Variants in SLCO6A1 observed in about 807,000 individuals in gnomAD.
SLCO6A1 encodes solute carrier organic anion transporter family member 6A1.
SLCO6A1 carries 65 observed loss-of-function variants against 72.7 expected under a neutral mutation model. The observed-to-expected ratio is 0.89, with a 90% CI of 0.73 to 1.10. SLCO6A1 has a LOEUF of 1.10. Ranked by LOEUF, SLCO6A1 falls within the 50% of genes least tolerant of loss-of-function variation. The pLI, the probability that SLCO6A1 is intolerant of heterozygous loss-of-function variation, is 0.00. For synonymous variants in SLCO6A1, 314 were observed against 298.2 expected, an observed-to-expected ratio of 1.05 and a Z score of -0.55; for missense variants, 874 against 872.6, an observed-to-expected ratio of 1.00 and a Z score of -0.02.
intron 7 of SLCO6A1, among the ~76,000 whole-genome samples, chr5:102,421,216 T>C (rs1027878499): frequency 6.6e-6 from 1 of 151,756 alleles, no homozygotes; most frequent in African/African-American, 2.4e-5. Context: ...ATGAGCTAGC[T>C]GCAGGAGTTT....
intron 9 of SLCO6A1, among the ~76,000 whole-genome samples, chr5:102,401,860 C>T (rs1747415536): frequency 6.6e-6 from 1 of 151,978 alleles, no homozygotes. Context: ...AGCTTTCATC[C>T]TATATTGAGG....
In SLCO6A1 at chr5:102,399,736, A is replaced by G; in HGVS notation, c.1633T>C (p.Tyr545His). 4 of 1,570,896 alleles carry G rather than the reference A, an allele frequency of 2.5e-6. No individual in the cohort carries two copies. Among genetic ancestry groups the G allele is most frequent in the Non-Finnish European group, 3.5e-6 (4 of 1,154,372 alleles). ...SKAQNQKKMYYNCSCIKEGLI... is the reference protein window; with the variant it reads ...SKAQNQKKMYHNCSCIKEGLI... ...CCTTCTTTAATGCAAGAACAATTGT[A>G]GTACATCTGTGAGTATTGAAGACAG... Residue 545 changes from tyrosine to histidine, a missense_variant, in exon 10 of 14, where the codon TAC becomes CAC. Transcript: ENST00000506729.
intron 4 of SLCO6A1, among the ~76,000 whole-genome samples, chr5:102,467,206 C>T (rs967956719): frequency 6.6e-6 from 1 of 151,738 alleles, no homozygotes; most frequent in South Asian, 2.1e-4. Context: ...GTGATTTTTA[C>T]ATATGATGTA....
intron 12 of SLCO6A1, among the ~76,000 whole-genome samples, chr5:102,377,618 A>T (rs1745871512): frequency 6.6e-6 from 1 of 151,852 alleles, no homozygotes; most frequent in African/African-American, 2.4e-5. Flanking sequence ...TTTTTAATAA[A>T]AAGAGTATTG....
At chr5:102,421,176 C>G (rs1748577661) in intron 7 of SLCO6A1, among the ~76,000 whole-genome samples, 1 of 152,066 alleles carries the variant, frequency 6.6e-6, no homozygotes, top group African/African-American at 2.4e-5. Context: ...GGGTTTCAAG[C>G]ACAAAACTGG....
At chr5:102,429,110 A>T (rs4703228) in intron 7 of SLCO6A1, among the ~76,000 whole-genome samples, 99,463 of 152,026 alleles carry the variant, frequency 0.65, 32,793 homozygotes, top group African/African-American at 0.69. Context: ...TGTCTGTTTA[A>T]GTCCTATGCC....
chr5:102,379,789 A>AG (rs1258963681), intron 12 of SLCO6A1, among the ~76,000 whole-genome samples: 1 of 150,376 alleles, frequency 6.6e-6, no homozygotes, highest in Non-Finnish European at 1.5e-5. Flanking sequence ...AAAAAAAAAA[A>AG]ATTTCTCTTG....
At chr5:102,423,013 T>A (rs188616479) in intron 7 of SLCO6A1, among the ~76,000 whole-genome samples, 235 of 152,246 alleles carry the variant, frequency 1.5e-3, no homozygotes, top group African/African-American at 5.6e-3. Flanking sequence ...GAATTTCATA[T>A]CCAACCAAAC....
intron 10 of SLCO6A1, among the ~76,000 whole-genome samples, chr5:102,392,555 C>T (rs1746824529): frequency 6.6e-6 from 1 of 152,110 alleles, no homozygotes; most frequent in South Asian, 2.1e-4. Flanking sequence ...GATTGCCACC[C>T]TCTTTCTAAC....
chr5:102,372,847 T>C (rs1469202047), intron 13 of SLCO6A1, among the ~76,000 whole-genome samples: 1 of 151,872 alleles, frequency 6.6e-6, no homozygotes, highest in South Asian at 2.1e-4. Context: ...CATAGATAAA[T>C]AAAATGTTAA....
chr5:102,462,784 G>T (rs985236035), intron 4 of SLCO6A1, among the ~76,000 whole-genome samples: 1 of 152,060 alleles, frequency 6.6e-6, no homozygotes, highest in African/African-American at 2.4e-5. Flanking sequence ...ACTCAAGATG[G>T]ATCAAAGACT....
chr5:102,452,240 GT>G (rs748710205), intron 6 of SLCO6A1, among the ~76,000 whole-genome samples: 9 of 152,144 alleles, frequency 5.9e-5, no homozygotes, highest in Admixed American at 2.6e-4. Flanking sequence ...TGAGCTCTCT[GT>G]TCCACACATT....
chr5:102,459,563 AT>A lies in SLCO6A1; in HGVS notation c.1021+92del, dbSNP rs539344533. The A allele has an allele frequency of 3.5e-4, 472 of 1,338,540 alleles. 4 individuals carry two copies. The African/African-American group carries it at 6.5e-3, about 19-fold the overall frequency. 82.9% of individuals were successfully genotyped at this position (1,338,540 alleles called of 1,614,324 possible). On this transcript the variant is annotated intron_variant, in intron 5 of 13. Transcript: ENST00000506729. ...CTACAGCGAGAGGCATACTCATTTT[AT>A]TAAAAATGTAATACAGTCATTCTAT... is the stretch of plus-strand genomic sequence containing the variant.
chr5:102,483,128 C>T (rs563396635), intron 1 of SLCO6A1, among the ~76,000 whole-genome samples: 1 of 151,890 alleles, frequency 6.6e-6, no homozygotes, highest in Non-Finnish European at 1.5e-5. Flanking sequence ...ATATTCGTAT[C>T]TATCTATCTA....
intron 5 of SLCO6A1, 53 bp from the exon 6 acceptor site, chr5:102,458,544 A>T: frequency 7.6e-7 from 1 of 1,311,116 alleles, no homozygotes; most frequent in Non-Finnish European, 1.1e-6. Flanking sequence ...ACTAAAACCC[A>T]TACATAAAAC....
intron 10 of SLCO6A1, among the ~76,000 whole-genome samples, chr5:102,397,763 C>G (rs962674162): frequency 6.6e-6 from 1 of 152,258 alleles, no homozygotes; most frequent in East Asian, 1.9e-4. Context: ...TCTTCTGAAC[C>G]TACAAGCTGG....
intron 12 of SLCO6A1, among the ~76,000 whole-genome samples, chr5:102,375,940 T>C (rs1391353003): frequency 1.3e-5 from 2 of 151,996 alleles, no homozygotes; most frequent in Non-Finnish European, 2.9e-5. Context: ...GAGCTCAGCA[T>C]ACACAAAAGA....
intron 12 of SLCO6A1, among the ~76,000 whole-genome samples, chr5:102,384,839 A>C (rs532690792): frequency 6.6e-6 from 1 of 152,256 alleles, no homozygotes; most frequent in Non-Finnish European, 1.5e-5. Context: ...TCATGTGGTT[A>C]GTTAGCAACC....
At chr5:102,479,826 G>C (rs930272068) in intron 2 of SLCO6A1, among the ~76,000 whole-genome samples, 3 of 152,030 alleles carry the variant, frequency 2.0e-5, no homozygotes, top group Non-Finnish European at 2.9e-5. Flanking sequence ...TCAAGCTCCT[G>C]ATAATAATAA....
Sources: allele counts gnomAD v4.1 joint callset (sites outside exome capture counted in the v4.1 genomes callset), GRCh38; gene constraint gnomAD v4.1.1; transcripts MANE v1.5; gene names NCBI Gene and HGNC (gene_info 2026-07-23, HGNC 2026-07-21).